SVIL: variants seen among roughly 807,000 people sequenced by gnomAD.
The protein encoded by SVIL is archvillin.
SVIL carries 101 observed loss-of-function variants against 240.4 expected under a neutral mutation model. The ratio of observed to expected loss-of-function variants is 0.42; its 90% CI spans 0.36 to 0.50. The LOEUF (loss-of-function observed/expected upper bound fraction) is 0.50. Ranked by LOEUF, SVIL falls within the 20% of genes least tolerant of loss-of-function variation. The probability of loss-of-function intolerance (pLI) is 0.01; values close to 1 mark genes in which losing one functional copy is unlikely to be tolerated. For synonymous variants in SVIL, 999 were observed against 1,100.0 expected (o/e 0.91, Z 1.82); for missense variants, 2,512 against 2,818.7 (o/e 0.89, Z 2.46).
intron 6 of SVIL, among the ~76,000 whole-genome samples, chr10:29,546,619 G>A (rs1952715272): frequency 2.0e-5 from 3 of 152,112 alleles, no homozygotes; most frequent in Admixed American, 2.0e-4. Flanking sequence ...TGATTATTCT[G>A]TATATATACA....
chr10:29,533,495 A>G, intron 7 of SVIL, 37 bp from the exon 8 acceptor site: 10 of 1,580,266 alleles, frequency 6.3e-6, no homozygotes, highest in Non-Finnish European at 8.6e-6. Flanking sequence ...TGCAAAGTGC[A>G]GTAACGGCCT....
intron 1 of SVIL, among the ~76,000 whole-genome samples, chr10:29,710,349 G>A (rs1345186627): frequency 2.0e-5 from 3 of 152,108 alleles, no homozygotes; most frequent in East Asian, 1.9e-4. Context: ...GAGCCACCAC[G>A]CCCAGCCAAC....
At chr10:29,641,020 A>G (rs914061206) in intron 3 of SVIL, among the ~76,000 whole-genome samples, 2 of 152,230 alleles carry the variant, frequency 1.3e-5, no homozygotes, top group African/African-American at 4.8e-5. Context: ...CCCACATGGC[A>G]AACTTTTTGT....
chr10:29,470,290 G>T lies in SVIL; in HGVS notation c.5829C>A (p.Asn1943Lys), dbSNP rs1945416018. 7 of 1,614,086 alleles carry T rather than the reference G, an allele frequency of 4.3e-6. No homozygotes were observed. In the East Asian group the frequency reaches 1.6e-4, roughly 36 times the overall value. The change falls in exon 32 of 38, where the codon AAC becomes AAA. Residue 1943 changes from asparagine to lysine, a missense_variant. Physicochemically the swap from Asn to Lys is moderately conservative, Grantham distance 94. This residue lies in a region of SVIL where 797 missense variants were observed against 925.3 expected (regional missense o/e 0.86). Transcript: ENST00000355867. ...ACAACACTCACTGTTCCTTGATCTTGTTCGCAGCGGTCCTTCCGACCTCCT... is the reference window on the plus strand; with the variant it reads ...ACAACACTCACTGTTCCTTGATCTTTTTCGCAGCGGTCCTTCCGACCTCCT... ...HTKEVGRTAA[N>K]KIKEQCPLEA...
At chr10:29,592,993 A>C (rs1956448548) in intron 1 of SVIL, among the ~76,000 whole-genome samples, 1 of 152,192 alleles carries the variant, frequency 6.6e-6, no homozygotes, top group Admixed American at 6.5e-5. Flanking sequence ...GGAAGTTTTA[A>C]ACAGAAGCAG....
At chr10:29,619,716 G>T (rs1372758541) in intron 1 of SVIL, among the ~76,000 whole-genome samples, 1 of 152,166 alleles carries the variant, frequency 6.6e-6, no homozygotes, top group Non-Finnish European at 1.5e-5. Flanking sequence ...TTAAATTTGA[G>T]TTAACAAACA....
chr10:29,500,243 C>A (rs1211289681), intron 17 of SVIL, among the ~76,000 whole-genome samples: 5 of 151,956 alleles, frequency 3.3e-5, no homozygotes, highest in African/African-American at 1.2e-4. Flanking sequence ...GGCAGGAGGT[C>A]CTCAAACGCT....
rs10159964 is a variant in SVIL, at chr10:29,550,584, A to G, written c.827+13T>C. On this transcript the variant is annotated intron_variant, in intron 6 of 37. Coordinates refer to ENST00000355867, the MANE Select transcript of SVIL (RefSeq NM_021738.3). ...CCTGCGTTCAGGGTGCTTAGCGTGG[A>G]CTGGATGCTTACCTGGGTCGGGCCT... The G allele has an allele frequency of 0.26, 420,391 of 1,591,370 alleles. 56,899 individuals carry two copies. The highest frequency in any genetic ancestry group is 0.39 in the African/African-American group (29,006 of 74,480).
chr10:29,722,152 C>T (rs1467570771), intron 1 of SVIL, among the ~76,000 whole-genome samples: 2 of 149,068 alleles, frequency 1.3e-5, no homozygotes, highest in East Asian at 4.0e-4. Flanking sequence ...GCCAGAGAAT[C>T]GTTTGAACCC....
rs1052451961 is a variant in SVIL at position 29,529,780 on chromosome 10, T to C, written c.2171A>G (p.Glu724Gly). The change falls in exon 12 of 38, where the codon GAG becomes GGG. Residue 724 changes from glutamate to glycine, a missense_variant. Physicochemically the swap from Glu to Gly is moderately conservative, Grantham distance 98. Coordinates refer to ENST00000355867, the MANE Select transcript of SVIL (RefSeq NM_021738.3). Reference protein sequence around the residue: ...PKRRSRNTAVEQRLRRLQDRS... With the variant: ...PKRRSRNTAVGQRLRRLQDRS... ...GTCCTGCAGACGGCGTAGCCTCTGC[T>C]CCACAGCTGTGTTTCTTGAGCGTCG... is the stretch of plus-strand genomic sequence containing the variant. The C allele has an allele frequency of 6.2e-7, 1 of 1,613,804 alleles. No homozygotes were observed. Among genetic ancestry groups the C allele is most frequent in the Non-Finnish European group, 8.5e-7 (1 of 1,179,896 alleles).
intron 2 of SVIL, among the ~76,000 whole-genome samples, chr10:29,674,485 G>A (rs1960049148): frequency 6.6e-6 from 1 of 152,146 alleles, no homozygotes; most frequent in South Asian, 2.1e-4. Flanking sequence ...AAATAAATTA[G>A]CTTAGAAAAA....
intron 2 of SVIL, among the ~76,000 whole-genome samples, chr10:29,678,397 A>G (rs1450134713): frequency 1.3e-5 from 2 of 152,060 alleles, no homozygotes; most frequent in East Asian, 1.9e-4. Flanking sequence ...TCATGCTCCT[A>G]TGGAATCTAA....
intron 34 of SVIL, among the ~76,000 whole-genome samples, chr10:29,465,350 C>G (rs1163996268): frequency 6.6e-6 from 1 of 152,190 alleles, no homozygotes; most frequent in Non-Finnish European, 1.5e-5. Context: ...CTGTTCTTAG[C>G]TGACGTCTTT....
intron 1 of SVIL, among the ~76,000 whole-genome samples, chr10:29,619,743 G>A (rs960657616): frequency 6.6e-6 from 1 of 152,130 alleles, no homozygotes; most frequent in African/African-American, 2.4e-5. Flanking sequence ...CATAAGCTGA[G>A]GGTTGATTTT....
At chr10:29,644,524 G>C (rs377025563) in intron 3 of SVIL, among the ~76,000 whole-genome samples, 5 of 152,202 alleles carry the variant, frequency 3.3e-5, no homozygotes, top group African/African-American at 1.2e-4. Flanking sequence ...CCAACCCACA[G>C]AAGCCCGATA....
intron 1 of SVIL, among the ~76,000 whole-genome samples, chr10:29,633,542 C>A (rs942131121): frequency 6.6e-6 from 1 of 152,260 alleles, no homozygotes; most frequent in African/African-American, 2.4e-5. Flanking sequence ...ACACTATCTC[C>A]GGTGAAGAAC....
intron 1 of SVIL, among the ~76,000 whole-genome samples, chr10:29,705,958 G>A (rs773904221): frequency 1.3e-5 from 2 of 152,138 alleles, no homozygotes; most frequent in Non-Finnish European, 1.5e-5. Context: ...ATGTGTGCAT[G>A]TTTCTTTATA....
At chr10:29,606,609 G>A (rs903113461) in intron 1 of SVIL, among the ~76,000 whole-genome samples, 1 of 152,020 alleles carries the variant, frequency 6.6e-6, no homozygotes, top group African/African-American at 2.4e-5. Flanking sequence ...GCTATTATAT[G>A]TAACAAAATT....
chr10:29,722,575 A>G (rs1315852559), intron 1 of SVIL, among the ~76,000 whole-genome samples: 1 of 152,206 alleles, frequency 6.6e-6, no homozygotes, highest in Non-Finnish European at 1.5e-5. Context: ...TCAGCACCAA[A>G]CCGGCCTTTG....
Sources: allele counts gnomAD v4.1 joint callset (sites outside exome capture counted in the v4.1 genomes callset), GRCh38; gene constraint gnomAD v4.1.1; regional missense constraint gnomAD v4.1.1; transcripts MANE v1.5; gene names NCBI Gene and HGNC (gene_info 2026-07-23, HGNC 2026-07-21).